Variants in OPTN observed in about 807,000 individuals in gnomAD.
OPTN encodes E3-14.7K-interacting protein.
In OPTN, 54 loss-of-function variants were observed where a neutral mutation model predicts 70.4. The ratio of observed to expected loss-of-function variants is 0.77; its 90% CI spans 0.62 to 0.96. OPTN has a LOEUF of 0.96. Ranked by LOEUF, OPTN falls within the 40% of genes least tolerant of loss-of-function variation. The pLI, the probability that OPTN is intolerant of heterozygous loss-of-function variation, is 0.00. For missense variants in OPTN, 624 were observed against 673.2 expected, an observed-to-expected ratio of 0.93 and a Z score of 0.81; for synonymous variants, 256 against 248.5, an observed-to-expected ratio of 1.03 and a Z score of -0.28.
chr10:13,105,795 G>C (rs1832853362), intron 1 of OPTN, among the ~76,000 whole-genome samples: 1 of 152,066 alleles, frequency 6.6e-6, no homozygotes, highest in African/African-American at 2.4e-5. Flanking sequence ...TGTGATCCCA[G>C]CTACTTGGGA....
chr10:13,115,201 A>T (rs1459328682), intron 5 of OPTN, among the ~76,000 whole-genome samples: 3 of 45,480 alleles, frequency 6.6e-5, no homozygotes, highest in Admixed American at 4.5e-4. Context: ...TTATAGATAT[A>T]TCTATATTTA....
chr10:13,105,783 C>G (rs999991751), intron 1 of OPTN, among the ~76,000 whole-genome samples: 14 of 152,114 alleles, frequency 9.2e-5, no homozygotes, highest in African/African-American at 3.4e-4. Flanking sequence ...GTAGCACATG[C>G]CTGTGATCCC....
At chr10:13,101,161 A>G (rs907863156) in intron 1 of OPTN, among the ~76,000 whole-genome samples, 2 of 152,134 alleles carry the variant, frequency 1.3e-5, no homozygotes, top group Non-Finnish European at 2.9e-5. Flanking sequence ...CCCAGGGCAG[A>G]CCCCAAGGCC....
chr10:13,111,784 G>T (rs1833005361), intron 4 of OPTN, among the ~76,000 whole-genome samples: 2 of 151,528 alleles, frequency 1.3e-5, no homozygotes, highest in South Asian at 4.2e-4. Flanking sequence ...GTCAGTAGGT[G>T]TGGGGGCAAT....
intron 1 of OPTN, among the ~76,000 whole-genome samples, chr10:13,105,093 C>A (rs900449684): frequency 1.3e-5 from 2 of 152,036 alleles, no homozygotes; most frequent in African/African-American, 2.4e-5. Context: ...AGCCACTGCA[C>A]CCGGCATCAA....
chr10:13,112,214 CT>C (rs1833023742), intron 4 of OPTN, among the ~76,000 whole-genome samples: 1 of 145,230 alleles, frequency 6.9e-6, no homozygotes, highest in African/African-American at 2.6e-5. Flanking sequence ...CTCAGGCAGT[CT>C]TCCTGCCTCA....
intron 5 of OPTN, among the ~76,000 whole-genome samples, chr10:13,115,503 A>ATATAATATATTCTATATTATATAATATG (rs1564359986): frequency 1.9e-5 from 2 of 105,240 alleles, no homozygotes; most frequent in African/African-American, 8.4e-5. Context: ...TATATAATAT[A>ATATAATATATTCTATATTATATAATATG]GAATATATAT....
At chr10:13,125,900 A>G (rs529600525) in intron 10 of OPTN, 46 bp from the exon 11 acceptor site, 27 of 1,380,988 alleles carry the variant, frequency 2.0e-5, no homozygotes, top group Non-Finnish European at 2.6e-5. Flanking sequence ...ATAAGTTTCT[A>G]TGATATTTTC....
In OPTN at chr10:13,132,203, G is replaced by A. The variant is rs766311018; in HGVS notation, c.1532+6G>A. 2 of 1,611,674 alleles carry A rather than the reference G, an allele frequency of 1.2e-6. No homozygotes were observed. Among genetic ancestry groups the A allele is most frequent in the African/African-American group, 1.3e-5 (1 of 74,966 alleles). On this transcript the variant is annotated splice_donor_region_variant and intron_variant, in intron 13 of 14. Coordinates refer to ENST00000378747, the MANE Select transcript of OPTN (RefSeq NM_001008212.2). Reference sequence around the variant, plus strand: ...GCTTTCGAAGACGGAGGCAGGTAAGGAAAAGAGAGAGGAGGACCCAGAGCT... The same window carrying A: ...GCTTTCGAAGACGGAGGCAGGTAAGAAAAAGAGAGAGGAGGACCCAGAGCT...
chr10:13,126,415 G>A lies in OPTN; in HGVS notation c.1242+376G>A, dbSNP rs535126335. 7.9e-5 allele frequency among the ~76,000 whole-genome samples: 12 copies of A among 151,482 alleles called. No individual in the cohort carries two copies. In the East Asian group the frequency reaches 2.3e-3, roughly 29 times the overall value. ...CCTGCCTCAGCCTCCCGAGTAGCTG[G>A]GACTACAGGCGCCCGCCACCGCGCC... On this transcript the variant is annotated intron_variant, in intron 11 of 14. Coordinates refer to ENST00000378747, the MANE Select transcript of OPTN (RefSeq NM_001008212.2).
At position 13,125,526 on chromosome 10, in the gene OPTN, A is replaced by C. The variant is rs149806984; in HGVS notation, c.1107A>C (p.Leu369=). ...TAGAGCTACAAGTGGAAAGCATGCTATCAGAAATCAAAATGGAACAGGCTA... is the reference window on the plus strand; with the variant it reads ...TAGAGCTACAAGTGGAAAGCATGCTCTCAGAAATCAAAATGGAACAGGCTA... ...KKLELQVESM[L]SEIKMEQAKT... The change falls in exon 10 of 15, where the codon CTA becomes CTC. Residue 369 remains leucine (L), a synonymous_variant. Coordinates refer to ENST00000378747, the MANE Select transcript of OPTN (RefSeq NM_001008212.2). 3 of 1,614,078 alleles carry C rather than the reference A, an allele frequency of 1.9e-6. No individual in the cohort carries two copies. In the African/African-American group the frequency reaches 4.0e-5, roughly 22 times the overall value.
intron 1 of OPTN, among the ~76,000 whole-genome samples, chr10:13,100,805 C>G (rs1000719830): frequency 1.3e-5 from 2 of 152,076 alleles, no homozygotes; most frequent in African/African-American, 4.8e-5. Flanking sequence ...TTGATGAGGC[C>G]GAGAACCCCA....
Position 13,137,009 on chromosome 10 carries a change from G to A in OPTN, c.*143G>A. 2 of 1,070,498 alleles carry A rather than the reference G, an allele frequency of 1.9e-6. No homozygotes were observed. Among genetic ancestry groups the A allele is most frequent in the Non-Finnish European group, 2.8e-6 (2 of 711,214 alleles). The allele number at this position is 1,070,498 out of a possible 1,614,324, so 66.3% of individuals were successfully genotyped here. On this transcript the variant is annotated 3_prime_UTR_variant, in exon 15 of 15. Coordinates refer to ENST00000378747, the MANE Select transcript of OPTN (RefSeq NM_001008212.2). ...AAAGAAAGAAAACAGGCCGGGCACA[G>A]TGGCTCATGCCTGTAATCCCAGCAC...
chr10:13,128,380 A>G (rs1484773665), intron 12 of OPTN, among the ~76,000 whole-genome samples: 3 of 151,610 alleles, frequency 2.0e-5, no homozygotes, highest in African/African-American at 7.3e-5. Context: ...ACCACTCTGG[A>G]GGGTATATAG....
intron 4 of OPTN, among the ~76,000 whole-genome samples, chr10:13,112,152 CTTTT>C (rs1165425749): frequency 1.6e-5 from 2 of 122,802 alleles, no homozygotes; most frequent in Non-Finnish European, 1.7e-5. Context: ...CCTGGCTTGG[CTTTT>C]TTTTTTTTTT....
intron 5 of OPTN, among the ~76,000 whole-genome samples, chr10:13,114,960 T>C (rs1332157898): frequency 2.8e-5 from 1 of 35,218 alleles, no homozygotes; most frequent in Non-Finnish European, 4.8e-5. Context: ...GATATATCTA[T>C]ATTTATATAT....
chr10:13,118,501 C>T (rs1203168214), intron 6 of OPTN, among the ~76,000 whole-genome samples: 2 of 152,186 alleles, frequency 1.3e-5, no homozygotes, highest in African/African-American at 4.8e-5. Context: ...TACAATGTGC[C>T]TTTATCTTTT....
intron 1 of OPTN, among the ~76,000 whole-genome samples, chr10:13,106,360 GAGA>G (rs1160761142): frequency 1.3e-5 from 2 of 152,196 alleles, no homozygotes; most frequent in Non-Finnish European, 2.9e-5. Flanking sequence ...TTATTTTTGT[GAGA>G]AGAAGAGCAG....
Position 13,127,738 on chromosome 10 carries a change from T to C in OPTN, c.1243-7T>C. On this transcript the variant is annotated splice_region_variant and splice_polypyrimidine_tract_variant and intron_variant, in intron 11 of 14. Coordinates refer to ENST00000378747, the MANE Select transcript of OPTN (RefSeq NM_001008212.2). ...AACCATTTCTAGAATAAATGTTTCT[T>C]TTTCAGTCAGAAAAAGTGGACAGGG... 1 of 1,614,002 alleles carries C rather than the reference T, an allele frequency of 6.2e-7. No homozygotes were observed. Among genetic ancestry groups the C allele is most frequent in the African/African-American group, 1.3e-5 (1 of 75,046 alleles).
Sources: gnomAD v4.1 joint callset for allele counts (sites outside exome capture counted in the v4.1 genomes callset) on GRCh38, gnomAD v4.1.1 for gene constraint, MANE v1.5 for transcripts, NCBI Gene and HGNC (gene_info 2026-07-23, HGNC 2026-07-21) for gene names.